The following GEMIN8 variants were observed in gnomAD, a reference collection of about 807,000 sequenced individuals.
GEMIN8 encodes the protein gem nuclear organelle associated protein 8.
For synonymous variants in GEMIN8, 80 were observed against 78.5 expected (o/e 1.02, Z -0.10); for missense variants, 185 against 205.9 (o/e 0.90, Z 0.62).
chrX:13,995,972 A>T, the GEMIN8 span, among the ~76,000 whole-genome samples: 2 of 111,738 alleles, frequency 1.8e-5, no homozygotes, highest in African/African-American at 3.3e-5. Context: ...TCATTTTCTA[A>T]CTTCCCACTC....
chrX:14,024,106 T>C (rs925502780), intron 2 of GEMIN8, among the ~76,000 whole-genome samples: 2 of 112,546 alleles, frequency 1.8e-5, no homozygotes, highest in Non-Finnish European at 3.8e-5. Context: ...TTTGCAAAGC[T>C]GGAAGTTTAG....
the GEMIN8 span, among the ~76,000 whole-genome samples, chrX:13,996,050 C>T: frequency 1.9e-3 from 213 of 111,922 alleles, no homozygotes; most frequent in African/African-American, 6.4e-3. Flanking sequence ...TGAAGATCAG[C>T]ATATCTGGTA....
downstream of GEMIN8, among the ~76,000 whole-genome samples, chrX:14,005,121 C>T (rs1034304169): frequency 9.0e-6 from 1 of 111,092 alleles, no homozygotes; most frequent in Non-Finnish European, 1.9e-5. Flanking sequence ...TGGTCTTTGA[C>T]CCTGGTTCCT....
At chrX:14,009,525 T>G (rs1254353394) in intron 4 of GEMIN8, among the ~76,000 whole-genome samples, 8 of 109,814 alleles carry the variant, frequency 7.3e-5, no homozygotes, top group Non-Finnish European at 1.3e-4. Flanking sequence ...CCAGCCCAGG[T>G]GACAAAGCCA....
intron 4 of GEMIN8, among the ~76,000 whole-genome samples, chrX:14,009,534 C>CTTTG (rs1923390672): frequency 9.1e-6 from 1 of 110,457 alleles, no homozygotes; most frequent in Admixed American, 9.6e-5. Flanking sequence ...GTGACAAAGC[C>CTTTG]AGACCCGGTG....
chrX:14,001,671 C>A, the GEMIN8 span, among the ~76,000 whole-genome samples: 1 of 111,934 alleles, frequency 8.9e-6, no homozygotes, highest in South Asian at 3.7e-4. Context: ...CAGGTGTGCA[C>A]CACCACACCC....
chrX:14,017,953 T>C (rs1250076391), intron 4 of GEMIN8, among the ~76,000 whole-genome samples: 1 of 112,126 alleles, frequency 8.9e-6, no homozygotes. Context: ...GTAAAGTAAC[T>C]AGACAGATTT....
intron 4 of GEMIN8, among the ~76,000 whole-genome samples, chrX:14,009,943 G>A (rs12839211): frequency 2.7e-5 from 3 of 112,127 alleles, no homozygotes; most frequent in East Asian, 2.8e-4. Context: ...CCACAGATTC[G>A]AAATGCAAAT....
chrX:14,015,781 G>A (rs1457953561), intron 4 of GEMIN8, among the ~76,000 whole-genome samples: 4 of 112,175 alleles, frequency 3.6e-5, no homozygotes, highest in Admixed American at 1.9e-4. Flanking sequence ...TATTGAATAA[G>A]TAGCTTCTAG....
intron 1 of GEMIN8, among the ~76,000 whole-genome samples, chrX:14,028,487 C>T (rs1924810215): frequency 8.9e-6 from 1 of 111,876 alleles, no homozygotes; most frequent in Non-Finnish European, 1.9e-5. Flanking sequence ...CCAGCTGTTC[C>T]GTGGCTGAAT....
chrX:13,999,131 T>C, the GEMIN8 span, among the ~76,000 whole-genome samples: 7 of 111,802 alleles, frequency 6.3e-5, no homozygotes, highest in African/African-American at 2.3e-4. Context: ...AGAAAAGTTA[T>C]ACAGACAGTG....
chrX:14,016,736 T>C (rs1923926898), intron 4 of GEMIN8, among the ~76,000 whole-genome samples: 1 of 103,050 alleles, frequency 9.7e-6, no homozygotes, highest in Non-Finnish European at 2.0e-5. Context: ...TCCCAGCTAC[T>C]TGGGAGGCCG....
At chrX:13,994,026 C>T in the GEMIN8 span, among the ~76,000 whole-genome samples, 1 of 111,540 alleles carries the variant, frequency 9.0e-6, no homozygotes, top group African/African-American at 3.3e-5. Context: ...TAGGTCCCCA[C>T]ACCATAGTTG....
Position 14,009,053 on chromosome X carries a change from G to A in GEMIN8, c.589C>T (p.Arg197Cys). ...TACAAACGCTTCATCTCGGCCTGGC[G>A]CCGCTCACCAGGCCTCTCAGTTGGG... ...EAPTERPGER[R>C]QAEMKRLYGD... Residue 197 changes from arginine (R) to cysteine (C), a missense_variant, in exon 5 of 5, where the codon CGC (arginine) becomes TGC (cysteine). Arg to Cys is a radical substitution (Grantham distance 180, BLOSUM62 -3). Transcript: ENST00000680255. 1.7e-6 allele frequency: 2 copies of A among 1,212,023 alleles called. No individual in the cohort carries two copies. The highest frequency in any genetic ancestry group is 1.8e-5 in the South Asian group (1 of 57,017).
chrX:14,014,608 T>C, intron 4 of GEMIN8: 1 of 589,627 alleles, frequency 1.7e-6, no homozygotes, highest in South Asian at 8.8e-5. Context: ...TCAACCTCAT[T>C]GACTAAAGCA....
In GEMIN8 at chrX:14,008,436, G is replaced by A. The variant is rs1352070741; in HGVS notation, c.*477C>T. 1 of 119,398 alleles carries A rather than the reference G, an allele frequency of 8.4e-6. No homozygotes were observed. The highest frequency in any genetic ancestry group is 3.3e-4 in the South Asian group (1 of 3,019). 9.8% of individuals were successfully genotyped at this position (119,398 alleles called of 1,213,427 possible). A position where few individuals can be genotyped will look rare whatever the true frequency, so the allele number is the denominator to read the frequency against. On this transcript the variant is annotated 3_prime_UTR_variant, in exon 5 of 5. Coordinates refer to ENST00000680255, the MANE Select transcript of GEMIN8 (RefSeq NM_001042479.2). ...GATATTCACTCTCTGGCCCTTTATA[G>A]AACATGCATCCCTCTCCACTACAGG... is the stretch of plus-strand genomic sequence containing the variant.
intron 4 of GEMIN8, chrX:14,014,009 T>C: frequency 2.7e-6 from 2 of 727,525 alleles, no homozygotes; most frequent in Non-Finnish European, 3.2e-6. Context: ...TCACATCACG[T>C]AATAGTCCAT....
chrX:13,988,503 T>C, the GEMIN8 span, among the ~76,000 whole-genome samples: 1 of 107,718 alleles, frequency 9.3e-6, no homozygotes, highest in Non-Finnish European at 1.9e-5. Flanking sequence ...GGGCAGAATA[T>C]TTTCTCATCA....
At chrX:14,019,990 T>C in intron 4 of GEMIN8, 88 bp downstream of exon 4, 2 of 498,422 alleles carry the variant, frequency 4.0e-6, no homozygotes, top group African/African-American at 2.4e-5. Context: ...CAATGAAGAA[T>C]TATAAAATTA....
Sources: allele counts gnomAD v4.1 joint callset (sites outside exome capture counted in the v4.1 genomes callset), GRCh38; gene constraint gnomAD v4.1.1; transcripts MANE v1.5; gene names NCBI Gene and HGNC (gene_info 2026-07-23, HGNC 2026-07-21).